Variants in PRR16 observed in about 807,000 individuals in gnomAD.
PRR16 encodes the protein protein Largen.
PRR16 carries 6 observed loss-of-function variants against 18.2 expected under a neutral mutation model. The observed-to-expected ratio is 0.33, with a 90% CI of 0.18 to 0.65. PRR16 has a LOEUF of 0.65. Among genes scored for constraint, PRR16 ranks in the 30% least tolerant of loss-of-function variants. The pLI is 0.74. For synonymous variants in PRR16, 151 were observed against 147.8 expected (o/e 1.02, Z -0.16); for missense variants, 412 against 376.6 (o/e 1.09, Z -0.78).
At position 120,672,041 on chromosome 5, in the gene PRR16, C is replaced by T. The variant is rs533191076; in HGVS notation, c.160-13913C>T. On this transcript the variant is annotated intron_variant, in intron 1 of 1. Transcript: ENST00000407149. ...ACATAAATGCCCAGGATTTCCTGCCCTTTGGGAGGTTACAGTCTTGCCAAG... is the reference window on the plus strand; with the variant it reads ...ACATAAATGCCCAGGATTTCCTGCCTTTTGGGAGGTTACAGTCTTGCCAAG... Among the ~76,000 whole-genome samples, 3 of 152,190 alleles carry T rather than the reference C, an allele frequency of 2.0e-5. No individual in the cohort carries two copies. In the East Asian group the frequency reaches 5.8e-4, roughly 29 times the overall value.
chr5:120,685,034 A>C (rs921495242), intron 1 of PRR16, among the ~76,000 whole-genome samples: 1 of 151,988 alleles, frequency 6.6e-6, no homozygotes, highest in Non-Finnish European at 1.5e-5. Flanking sequence ...GGCCCAGATA[A>C]TTTTCTTTCC....
intron 1 of PRR16, among the ~76,000 whole-genome samples, chr5:120,539,599 C>G (rs971572091): frequency 6.6e-6 from 1 of 151,678 alleles, no homozygotes; most frequent in Non-Finnish European, 1.5e-5. Context: ...ATCTGCATAC[C>G]AAACCCCTGA....
chr5:120,689,759 GT>G (rs201079686), downstream of PRR16, among the ~76,000 whole-genome samples: 17,183 of 144,228 alleles, frequency 0.12, 1,142 homozygotes, highest in Non-Finnish European at 0.15. Flanking sequence ...GGGTGTTTTG[GT>G]TTTTTTTTTT....
Position 120,686,817 on chromosome 5 carries a change from G to T in PRR16, c.*108G>T. ...TAAAAAGCCCAAATATATTAATCCT[G>T]CATTCAGCAAAGTGGCATAAAAATC... On this transcript the variant is annotated 3_prime_UTR_variant, in exon 2 of 2. Coordinates refer to ENST00000407149, the MANE Select transcript of PRR16 (RefSeq NM_001300783.2). 1 of 927,646 alleles carries T rather than the reference G, an allele frequency of 1.1e-6. No homozygotes were observed. 57.5% of individuals were successfully genotyped at this position (927,646 alleles called of 1,614,324 possible).
At chr5:120,744,561 GC>G in the PRR16 span, among the ~76,000 whole-genome samples, 2 of 152,126 alleles carry the variant, frequency 1.3e-5, no homozygotes, top group Non-Finnish European at 2.9e-5. Flanking sequence ...GATAAGACTG[GC>G]CCAGCAGTTA....
intron 1 of PRR16, among the ~76,000 whole-genome samples, chr5:120,658,974 G>C (rs369275046): frequency 6.6e-6 from 1 of 151,660 alleles, no homozygotes; most frequent in Admixed American, 6.6e-5. Flanking sequence ...CACAATCAGG[G>C]TTCTTTCAGC....
the PRR16 span, among the ~76,000 whole-genome samples, chr5:120,788,669 G>A: frequency 6.6e-6 from 1 of 151,994 alleles, no homozygotes; most frequent in Admixed American, 6.6e-5. Context: ...CCACTTTCTT[G>A]TACAGATAAG....
chr5:120,474,699 A>G (rs1029759132), intron 1 of PRR16, among the ~76,000 whole-genome samples: 1 of 151,720 alleles, frequency 6.6e-6, no homozygotes. Context: ...TCCATCCACC[A>G]CTTCCATTTT....
intron 1 of PRR16, among the ~76,000 whole-genome samples, chr5:120,628,597 T>C (rs1754944270): frequency 6.6e-6 from 1 of 152,068 alleles, no homozygotes; most frequent in Non-Finnish European, 1.5e-5. Flanking sequence ...AGCAGATTTG[T>C]ATCTTTTATT....
chr5:120,775,061 A>G, the PRR16 span, among the ~76,000 whole-genome samples: 1 of 152,190 alleles, frequency 6.6e-6, no homozygotes, highest in Non-Finnish European at 1.5e-5. Context: ...GACACTTACT[A>G]AAATAAAGTT....
At chr5:120,652,796 G>T (rs1442962439) in intron 1 of PRR16, among the ~76,000 whole-genome samples, 1 of 151,720 alleles carries the variant, frequency 6.6e-6, no homozygotes, top group African/African-American at 2.4e-5. Flanking sequence ...TGAAGTATGG[G>T]CATTAGATAA....
intron 1 of PRR16, among the ~76,000 whole-genome samples, chr5:120,660,460 C>A (rs908727005): frequency 2.2e-4 from 34 of 152,066 alleles, no homozygotes; most frequent in African/African-American, 8.2e-4. Context: ...CATGGTAAGG[C>A]AAGCCAATAC....
In PRR16 at chr5:120,607,012, G is replaced by A. The variant is rs192744496; in HGVS notation, c.160-78942G>A. ...GATCCAAATAATTTCCAAAACATGG[G>A]CAGTGCTTTTTGGATCCATTTGGAA... On this transcript the variant is annotated intron_variant, in intron 1 of 1. Transcript: ENST00000407149. Among the ~76,000 whole-genome samples, 37 of 152,270 alleles carry A rather than the reference G, an allele frequency of 2.4e-4. No individual in the cohort carries two copies. In the East Asian group the frequency reaches 6.2e-3, roughly 25 times the overall value.
At chr5:120,611,243 G>A (rs1754323947) in intron 1 of PRR16, among the ~76,000 whole-genome samples, 1 of 152,198 alleles carries the variant, frequency 6.6e-6, no homozygotes, top group Non-Finnish European at 1.5e-5. Flanking sequence ...GAGCGTTAAA[G>A]TTTGGACAGT....
Position 120,635,748 on chromosome 5 carries a change from A to C in PRR16, c.160-50206A>C, listed in dbSNP as rs562876200. On this transcript the variant is annotated intron_variant, in intron 1 of 1. Coordinates refer to ENST00000407149, the MANE Select transcript of PRR16 (RefSeq NM_001300783.2). ...CACTTTCACCACTTCTATTCAGCATAGTACTGAAAGTCCTAGCCAGAGCAA... is the reference window on the plus strand; with the variant it reads ...CACTTTCACCACTTCTATTCAGCATCGTACTGAAAGTCCTAGCCAGAGCAA... Among the ~76,000 whole-genome samples, 3 of 152,268 alleles carry C rather than the reference A, an allele frequency of 2.0e-5. No individual in the cohort carries two copies. The East Asian group carries it at 5.8e-4, about 29-fold the overall frequency.
the PRR16 span, among the ~76,000 whole-genome samples, chr5:120,715,359 C>T: frequency 6.6e-6 from 1 of 152,166 alleles, no homozygotes; most frequent in African/African-American, 2.4e-5. Context: ...CAGTGCTTCA[C>T]GTTTATAGCC....
intron 1 of PRR16, among the ~76,000 whole-genome samples, chr5:120,635,085 A>T (rs1755183574): frequency 6.6e-6 from 1 of 152,198 alleles, no homozygotes; most frequent in Non-Finnish European, 1.5e-5. Context: ...GACTCTCAGA[A>T]CAGACCAATA....
chr5:120,479,651 T>C (rs1296132262), intron 1 of PRR16, among the ~76,000 whole-genome samples: 5 of 152,094 alleles, frequency 3.3e-5, no homozygotes, highest in African/African-American at 9.7e-5. Context: ...TAATATAGAA[T>C]ATTAATAGTT....
At chr5:120,663,231 A>G (rs1312027523) in intron 1 of PRR16, among the ~76,000 whole-genome samples, 1 of 151,882 alleles carries the variant, frequency 6.6e-6, no homozygotes, top group Admixed American at 6.6e-5. Flanking sequence ...AGCTGATAGT[A>G]TTTCAAACTC....
Sources: allele counts gnomAD v4.1 joint callset (sites outside exome capture counted in the v4.1 genomes callset), GRCh38; gene constraint gnomAD v4.1.1; transcripts MANE v1.5; gene names NCBI Gene and HGNC (gene_info 2026-07-23, HGNC 2026-07-21).